HYDIN: variants seen among roughly 807,000 people sequenced by gnomAD.
HYDIN encodes HYDIN axonemal central pair apparatus protein.
HYDIN carries 132 observed loss-of-function variants against 403.9 expected under a neutral mutation model. The ratio of observed to expected loss-of-function variants is 0.33; its 90% confidence interval spans 0.28 to 0.38. The LOEUF (loss-of-function observed/expected upper bound fraction) is 0.38. Ranked by LOEUF, HYDIN falls within the 10% of genes least tolerant of loss-of-function variation. The pLI, the probability that HYDIN is intolerant of heterozygous loss-of-function variation, is 1.00. For missense variants in HYDIN, 2,827 were observed against 5,009.5 expected, an observed-to-expected ratio of 0.56 and a Z score of 13.15; for synonymous variants, 1,202 against 1,891.7, an observed-to-expected ratio of 0.64 and a Z score of 9.46.
intron 7 of HYDIN, among the ~76,000 whole-genome samples, chr16:71,152,134 G>T (rs1233964557): frequency 6.7e-6 from 1 of 150,240 alleles, no homozygotes; most frequent in Non-Finnish European, 1.5e-5. Context: ...CCTGGGGATG[G>T]GCTCCTTCCT....
intron 45 of HYDIN, among the ~76,000 whole-genome samples, chr16:70,921,584 C>T (rs1429394750): frequency 2.0e-5 from 3 of 152,148 alleles, no homozygotes; most frequent in African/African-American, 4.8e-5. Context: ...TAGGCCACAG[C>T]GTGTAGTGGT....
intron 7 of HYDIN, among the ~76,000 whole-genome samples, chr16:71,143,690 C>A (rs965037875): frequency 6.6e-6 from 1 of 152,210 alleles, no homozygotes; most frequent in African/African-American, 2.4e-5. Context: ...GCGGGTAAGT[C>A]TGCATAGATA....
At chr16:70,980,384 G>A (rs1258373964) in intron 29 of HYDIN, among the ~76,000 whole-genome samples, 1 of 151,756 alleles carries the variant, frequency 6.6e-6, no homozygotes, top group Non-Finnish European at 1.5e-5. Flanking sequence ...GTGCACATCT[G>A]TAGTCCCAGC....
intron 1 of HYDIN, among the ~76,000 whole-genome samples, chr16:71,213,323 C>T (rs952546506): frequency 2.6e-5 from 4 of 151,902 alleles, no homozygotes; most frequent in African/African-American, 7.3e-5. Flanking sequence ...ATAATAATAG[C>T]GTTTATAATA....
At chr16:71,094,155 C>T (rs1192401969) in intron 10 of HYDIN, among the ~76,000 whole-genome samples, 1 of 152,102 alleles carries the variant, frequency 6.6e-6, no homozygotes, top group Non-Finnish European at 1.5e-5. Context: ...TTGTGAAAAA[C>T]CAAAATCCCA....
At chr16:70,897,492 T>C (rs565696130) in intron 53 of HYDIN, among the ~76,000 whole-genome samples, 3 of 151,566 alleles carry the variant, frequency 2.0e-5, no homozygotes, top group Non-Finnish European at 4.4e-5. Flanking sequence ...GAGTTTCGCC[T>C]TCTTTCTCTG....
At chr16:71,074,707 C>CAAAAAAAAAAAAAAAA (rs59315287) in intron 13 of HYDIN, among the ~76,000 whole-genome samples, 2 of 86,234 alleles carry the variant, frequency 2.3e-5, no homozygotes, top group African/African-American at 9.0e-5. Flanking sequence ...CAAAAAACAC[C>CAAAAAAAAAAAAAAAA]AAAAAAAAAA....
At chr16:70,841,693 G>A (rs1192559969) in intron 75 of HYDIN, among the ~76,000 whole-genome samples, 4 of 151,704 alleles carry the variant, frequency 2.6e-5, no homozygotes, top group Non-Finnish European at 5.9e-5. Context: ...ACTCCTTCTT[G>A]CTCTCTCTCT....
At chr16:70,849,533 C>T (rs547734184) in intron 75 of HYDIN, among the ~76,000 whole-genome samples, 193 bp downstream of exon 75, 3 of 152,134 alleles carry the variant, frequency 2.0e-5, no homozygotes, top group Admixed American at 1.3e-4. Context: ...GCTTTTCAAT[C>T]CACACTTACT....
Position 71,205,064 on chromosome 16 carries a change from C to T in HYDIN, c.-23-18146G>A, listed in dbSNP as rs1326748318. ...ACCATAGTCACTTTTGCCCTTAGGG[C>T]ATTTGCTGATCCAGAAAAATCTGGG... On this transcript the variant is annotated intron_variant, in intron 1 of 85. Coordinates refer to ENST00000393567, the MANE Select transcript of HYDIN (RefSeq NM_001270974.2). 3.3e-5 allele frequency among the ~76,000 whole-genome samples: 5 copies of T among 152,196 alleles called. No homozygotes were observed. The East Asian group carries it at 5.8e-4, about 18-fold the overall frequency.
At chr16:71,207,222 A>G (rs1405373019) in intron 1 of HYDIN, among the ~76,000 whole-genome samples, 1 of 152,218 alleles carries the variant, frequency 6.6e-6, no homozygotes, top group African/African-American at 2.4e-5. Context: ...GACTAACAGC[A>G]TATTTCTCAG....
At chr16:71,056,202 T>C (rs1032033676) in intron 18 of HYDIN, among the ~76,000 whole-genome samples, 3 of 150,724 alleles carry the variant, frequency 2.0e-5, no homozygotes, top group Admixed American at 2.0e-4. Context: ...GTCAGCCTGC[T>C]GGGAACTGTT....
At chr16:71,223,229 C>T (rs2040878461) in intron 1 of HYDIN, among the ~76,000 whole-genome samples, 2 of 152,102 alleles carry the variant, frequency 1.3e-5, no homozygotes, top group South Asian at 2.1e-4. Flanking sequence ...GGAGAAAGGA[C>T]ACCCTATGCA....
intron 18 of HYDIN, among the ~76,000 whole-genome samples, chr16:71,058,551 A>G (rs1408541081): frequency 7.2e-5 from 10 of 139,804 alleles, no homozygotes; most frequent in African/African-American, 2.6e-4. Context: ...TATGTAACTA[A>G]CCTGCACAAT....
At chr16:70,853,701 G>A (rs1442572543) in intron 73 of HYDIN, among the ~76,000 whole-genome samples, 1 of 140,638 alleles carries the variant, frequency 7.1e-6, no homozygotes, top group Non-Finnish European at 1.5e-5. Context: ...GTTGCTTGGG[G>A]GAAGGGAAAG....
At chr16:70,838,311 C>G (rs2037580662) in intron 76 of HYDIN, among the ~76,000 whole-genome samples, 1 of 151,996 alleles carries the variant, frequency 6.6e-6, no homozygotes, top group Admixed American at 6.6e-5. Flanking sequence ...TTGCCTCAGC[C>G]TCCTGAGTAG....
intron 45 of HYDIN, among the ~76,000 whole-genome samples, chr16:70,922,998 G>A (rs541829730): frequency 6.6e-6 from 1 of 152,118 alleles, no homozygotes; most frequent in African/African-American, 2.4e-5. Flanking sequence ...GAACCCCTGA[G>A]TTCAAGTGAT....
chr16:71,070,283 TTCCTTCCTTCCTTCC>T (rs1407385786), intron 13 of HYDIN, among the ~76,000 whole-genome samples: 7 of 151,586 alleles, frequency 4.6e-5, no homozygotes, highest in African/African-American at 9.7e-5. Context: ...CCTTCCTTCC[TTCCTTCCTTCCTTCC>T]TCCTTCCTTC....
rs113923018 is a variant in HYDIN at position 71,128,071 on chromosome 16, T to C, written c.1227+1569A>G. Reference sequence around the variant, plus strand: ...TGAACCATGCCATGCACATCGACAATTTCATTCTCCAAAAGGCCTGTCCTG... The same window carrying C: ...TGAACCATGCCATGCACATCGACAACTTCATTCTCCAAAAGGCCTGTCCTG... On this transcript the variant is annotated intron_variant, in intron 9 of 85. Transcript: ENST00000393567. 8.1e-3 allele frequency among the ~76,000 whole-genome samples: 1,224 copies of C among 151,716 alleles called. 16 individuals carry two copies. Among genetic ancestry groups the C allele is most frequent in the African/African-American group, 0.028 (1,162 of 41,344 alleles).
Sources: gnomAD v4.1 joint callset for allele counts (sites outside exome capture counted in the v4.1 genomes callset) on GRCh38, gnomAD v4.1.1 for gene constraint, MANE v1.5 for transcripts, NCBI Gene and HGNC (gene_info 2026-07-23, HGNC 2026-07-21) for gene names.